Variants in STPG2 observed in about 807,000 individuals in gnomAD.
STPG2 encodes sperm-tail PG-rich repeat-containing protein 2.
STPG2 carries 56 observed loss-of-function variants against 54.2 expected under a neutral mutation model. The ratio of observed to expected loss-of-function variants is 1.03; its 90% CI spans 0.83 to 1.29. The LOEUF (loss-of-function observed/expected upper bound fraction) is 1.29, where lower values mean the gene tolerates loss of function less well. STPG2 is among the 50% of genes most tolerant of loss of function. The probability of loss-of-function intolerance (pLI) is 0.00; values close to 1 mark genes in which losing one functional copy is unlikely to be tolerated. For synonymous variants in STPG2, 200 were observed against 181.8 expected (o/e 1.10, Z -0.81); for missense variants, 596 against 544.9 (o/e 1.09, Z -0.93).
chr4:97,752,767 C>T (rs1725616930), intron 9 of STPG2, among the ~76,000 whole-genome samples: 1 of 151,736 alleles, frequency 6.6e-6, no homozygotes, highest in South Asian at 2.1e-4. Flanking sequence ...GATTTAATTT[C>T]CTCTTCTTTC....
chr4:97,508,070 A>G (rs1056023070), intron 4 of STPG2, among the ~76,000 whole-genome samples: 1 of 152,064 alleles, frequency 6.6e-6, no homozygotes, highest in Non-Finnish European at 1.5e-5. Context: ...GCTATATAGG[A>G]GCCCACTATG....
chr4:97,776,101 G>GT (rs1726366025), intron 9 of STPG2, among the ~76,000 whole-genome samples: 1 of 152,038 alleles, frequency 6.6e-6, no homozygotes, highest in Non-Finnish European at 1.5e-5. Context: ...ATCATTGATG[G>GT]TTTTAATTTT....
chr4:97,877,712 G>A (rs528073077), intron 8 of STPG2, among the ~76,000 whole-genome samples: 1 of 152,030 alleles, frequency 6.6e-6, no homozygotes. Flanking sequence ...TTCAAGATGG[G>A]ATTTGTGTGG....
chr4:97,613,831 C>A (rs1400693568), intron 10 of STPG2, among the ~76,000 whole-genome samples: 2 of 151,772 alleles, frequency 1.3e-5, no homozygotes, highest in African/African-American at 4.8e-5. Flanking sequence ...TATTTTCTGG[C>A]ACTATGTAAG....
intron 9 of STPG2, among the ~76,000 whole-genome samples, chr4:97,753,312 C>T (rs907418998): frequency 3.9e-5 from 6 of 152,038 alleles, no homozygotes; most frequent in African/African-American, 7.2e-5. Flanking sequence ...AGGTACCTCA[C>T]GCAAGTGGAA....
intron 9 of STPG2, among the ~76,000 whole-genome samples, chr4:97,721,311 A>G (rs539256638): frequency 2.6e-4 from 39 of 152,256 alleles, no homozygotes; most frequent in African/African-American, 9.4e-4. Flanking sequence ...AATGGACATC[A>G]TATCTACCAG....
chr4:97,884,902 A>T (rs1333660253), intron 8 of STPG2, among the ~76,000 whole-genome samples: 1 of 152,116 alleles, frequency 6.6e-6, no homozygotes, highest in Non-Finnish European at 1.5e-5. Flanking sequence ...TATCATAATG[A>T]CCAAAAAAAA....
intron 9 of STPG2, among the ~76,000 whole-genome samples, chr4:97,832,214 T>C (rs1389426069): frequency 4.6e-5 from 7 of 152,126 alleles, no homozygotes; most frequent in African/African-American, 1.4e-4. Flanking sequence ...GCTGGTTCAA[T>C]ATATGCAAAT....
chr4:98,086,748 C>G (rs1292414875), intron 5 of STPG2, among the ~76,000 whole-genome samples: 2 of 149,154 alleles, frequency 1.3e-5, no homozygotes, highest in Non-Finnish European at 3.0e-5. Flanking sequence ...GATATTGCCA[C>G]TGGTTTTGTT....
intron 5 of STPG2, among the ~76,000 whole-genome samples, chr4:98,082,901 T>C (rs1356878274): frequency 1.3e-5 from 2 of 152,116 alleles, no homozygotes; most frequent in African/African-American, 4.8e-5. Context: ...ACAATCCAAA[T>C]AGTACTCTAA....
intron 4 of STPG2, among the ~76,000 whole-genome samples, chr4:97,524,052 T>C (rs1474653906): frequency 6.6e-6 from 1 of 151,622 alleles, no homozygotes; most frequent in Admixed American, 6.6e-5. Context: ...TCCAACAAAG[T>C]TATAAAGTTT....
intron 3 of STPG2, among the ~76,000 whole-genome samples, chr4:98,127,784 G>C (rs1319589404): frequency 2.0e-5 from 3 of 152,058 alleles, no homozygotes; most frequent in Non-Finnish European, 4.4e-5. Context: ...TGGATGAAAT[G>C]AATTAGCTAT....
chr4:97,984,540 ACTT>A (rs988750818), intron 5 of STPG2, among the ~76,000 whole-genome samples: 7 of 152,186 alleles, frequency 4.6e-5, no homozygotes, highest in Non-Finnish European at 1.5e-5. Context: ...CTGGATTATT[ACTT>A]CTTTTTTTCC....
intron 5 of STPG2, among the ~76,000 whole-genome samples, chr4:98,024,390 T>A (rs963530611): frequency 2.9e-4 from 44 of 152,200 alleles, no homozygotes; most frequent in Non-Finnish European, 5.9e-4. Context: ...GAACACCTAT[T>A]ATTTACATAA....
intron 6 of STPG2, among the ~76,000 whole-genome samples, chr4:97,978,950 A>G (rs1321650390): frequency 6.6e-6 from 1 of 152,168 alleles, no homozygotes; most frequent in African/African-American, 2.4e-5. Flanking sequence ...TCACTTAGAC[A>G]ATGGTGCCCT....
chr4:97,793,955 T>C (rs181936260), intron 9 of STPG2, among the ~76,000 whole-genome samples: 2 of 152,188 alleles, frequency 1.3e-5, no homozygotes, highest in Non-Finnish European at 1.5e-5. Flanking sequence ...CTTTTCCATA[T>C]ATATTTTAAT....
At chr4:97,590,992 C>T (rs1484146634) in intron 10 of STPG2, among the ~76,000 whole-genome samples, 1 of 152,110 alleles carries the variant, frequency 6.6e-6, no homozygotes, top group Non-Finnish European at 1.5e-5. Flanking sequence ...GTGAATTCTT[C>T]ACTAAACAAT....
At chr4:97,994,847 T>C (rs1432368973) in intron 5 of STPG2, among the ~76,000 whole-genome samples, 1 of 152,092 alleles carries the variant, frequency 6.6e-6, no homozygotes, top group Non-Finnish European at 1.5e-5. Context: ...AGGCAGTGGA[T>C]GCAGCCATAG....
intron 5 of STPG2, among the ~76,000 whole-genome samples, chr4:98,029,229 T>C (rs1351709231): frequency 6.6e-6 from 1 of 152,144 alleles, no homozygotes; most frequent in Non-Finnish European, 1.5e-5. Context: ...CTGTTCAATC[T>C]TCTATAACCT....
Sources: allele counts gnomAD v4.1 joint callset (sites outside exome capture counted in the v4.1 genomes callset), GRCh38; gene constraint gnomAD v4.1.1; transcripts MANE v1.5; gene names NCBI Gene and HGNC (gene_info 2026-07-23, HGNC 2026-07-21).